Variants in TPRG1 observed in about 807,000 individuals in gnomAD.
TPRG1 encodes tumor protein p63-regulated gene 1 protein.
A neutral mutation model predicts 29.3 loss-of-function variants in TPRG1; 29 were observed. The observed-to-expected ratio is 0.99, with a 90% CI of 0.74 to 1.35. The LOEUF (loss-of-function observed/expected upper bound fraction) is 1.35, where lower values mean the gene tolerates loss of function less well. Among genes scored for constraint, TPRG1 ranks in the 40% most tolerant of loss-of-function variants. The pLI is 0.00. For missense variants in TPRG1, 327 were observed against 335.0 expected (o/e 0.98, Z 0.19); for synonymous variants, 130 against 116.8 (o/e 1.11, Z -0.73).
At chr3:189,236,981 A>G (rs1739579350) in intron 3 of TPRG1, among the ~76,000 whole-genome samples, 2 of 152,194 alleles carry the variant, frequency 1.3e-5, no homozygotes, top group African/African-American at 4.8e-5. Flanking sequence ...TTAACAGAGA[A>G]TTATTTCTTT....
intron 4 of TPRG1, 96 bp from the exon 5 acceptor site, chr3:189,310,289 TG>T: frequency 9.6e-7 from 1 of 1,042,652 alleles, no homozygotes; most frequent in Non-Finnish European, 1.3e-6. Flanking sequence ...TTTAACTAGT[TG>T]GGAGTTAATA....
At chr3:189,092,886 T>C (rs1306287268) in intron 4 of TPRG1, among the ~76,000 whole-genome samples, 1 of 152,212 alleles carries the variant, frequency 6.6e-6, no homozygotes, top group Non-Finnish European at 1.5e-5. Context: ...CAAATGCATC[T>C]TGTCAAAGAC....
At chr3:189,118,274 A>G (rs1397342510) in intron 1 of TPRG1, among the ~76,000 whole-genome samples, 1 of 152,198 alleles carries the variant, frequency 6.6e-6, no homozygotes, top group East Asian at 1.9e-4. Flanking sequence ...GATCTGTGGA[A>G]CTTGGAATTT....
chr3:189,049,001 C>T (rs562008753), intron 4 of TPRG1, among the ~76,000 whole-genome samples: 1 of 152,218 alleles, frequency 6.6e-6, no homozygotes, highest in South Asian at 2.1e-4. Flanking sequence ...CGCTTGGTCC[C>T]CAGGCAACCC....
intron 4 of TPRG1, among the ~76,000 whole-genome samples, chr3:189,093,157 AAG>A (rs746973311): frequency 1.6e-4 from 25 of 152,202 alleles, no homozygotes; most frequent in East Asian, 7.7e-4. Context: ...AATAAGAAAA[AAG>A]AAGAAATAAA....
intron 4 of TPRG1, among the ~76,000 whole-genome samples, chr3:189,249,330 AT>A (rs1336132856): frequency 2.0e-5 from 3 of 151,836 alleles, no homozygotes; most frequent in African/African-American, 7.2e-5. Flanking sequence ...AATATTTTTC[AT>A]TATAGAGTTT....
chr3:189,247,598 G>C (rs1001206154), intron 4 of TPRG1, among the ~76,000 whole-genome samples: 20 of 151,594 alleles, frequency 1.3e-4, no homozygotes, highest in African/African-American at 4.8e-4. Context: ...TTGGTTGTTT[G>C]TTTTTTTGGC....
intron 3 of TPRG1, among the ~76,000 whole-genome samples, chr3:189,231,033 C>A (rs1205818415): frequency 6.6e-6 from 1 of 151,994 alleles, no homozygotes; most frequent in Non-Finnish European, 1.5e-5. Context: ...TCATGAGTTT[C>A]CATTTGGATC....
intron 4 of TPRG1, among the ~76,000 whole-genome samples, chr3:189,272,718 T>TCCTTCCTC (rs1715406533): frequency 1.0e-5 from 1 of 97,338 alleles, no homozygotes. Flanking sequence ...TCTTTCTCCT[T>TCCTTCCTC]CCTTCCTTCC....
chr3:189,283,735 T>A (rs1402573164), intron 4 of TPRG1, among the ~76,000 whole-genome samples: 1 of 152,180 alleles, frequency 6.6e-6, no homozygotes, highest in Non-Finnish European at 1.5e-5. Context: ...TTTTATTTAA[T>A]CTTTACGATA....
intron 5 of TPRG1, among the ~76,000 whole-genome samples, chr3:189,312,719 T>A (rs936599337): frequency 6.6e-6 from 1 of 152,144 alleles, no homozygotes. Flanking sequence ...ATAAATACAA[T>A]CAAATAATGC....
intron 4 of TPRG1, among the ~76,000 whole-genome samples, chr3:189,053,142 T>C (rs1399933656): frequency 6.6e-6 from 1 of 152,230 alleles, no homozygotes; most frequent in Non-Finnish European, 1.5e-5. Context: ...AGCTAAATCT[T>C]CTGAATAACT....
intron 3 of TPRG1, among the ~76,000 whole-genome samples, chr3:189,224,309 T>C (rs1737369462): frequency 6.6e-6 from 1 of 152,082 alleles, no homozygotes; most frequent in Admixed American, 6.5e-5. Context: ...GGTGAAACCC[T>C]GCCCCTACTG....
intron 4 of TPRG1, among the ~76,000 whole-genome samples, chr3:189,296,971 CTCTTCT>C (rs57313799): frequency 1.3e-5 from 2 of 151,376 alleles, no homozygotes; most frequent in African/African-American, 4.9e-5. Flanking sequence ...CTGATAAACC[CTCTTCT>C]TCTTCTTCTT....
chr3:189,311,611 C>G (rs1263140628), intron 5 of TPRG1, among the ~76,000 whole-genome samples: 1 of 152,118 alleles, frequency 6.6e-6, no homozygotes, highest in African/African-American at 2.4e-5. Context: ...CCTCGAATCA[C>G]ATTATTCTCC....
intron 4 of TPRG1, among the ~76,000 whole-genome samples, chr3:189,297,289 A>G (rs1382713267): frequency 6.6e-6 from 1 of 152,016 alleles, no homozygotes; most frequent in Non-Finnish European, 1.5e-5. Flanking sequence ...CCACTGATAA[A>G]CCCTCTTCTG....
intron 4 of TPRG1, among the ~76,000 whole-genome samples, chr3:189,286,844 T>C (rs982461746): frequency 6.6e-6 from 1 of 152,100 alleles, no homozygotes; most frequent in Non-Finnish European, 1.5e-5. Context: ...CTTTTCTTTA[T>C]CTGTTATGAG....
chr3:189,136,707 A>G (rs551483821), intron 3 of TPRG1, among the ~76,000 whole-genome samples: 4 of 152,292 alleles, frequency 2.6e-5, no homozygotes, highest in African/African-American at 9.6e-5. Context: ...CAAGGTTATT[A>G]TGCACATTTG....
chr3:189,021,781 C>T (rs1296147868), intron 3 of TPRG1, among the ~76,000 whole-genome samples: 6 of 152,078 alleles, frequency 3.9e-5, no homozygotes, highest in African/African-American at 2.4e-5. Flanking sequence ...GTTGGCCTGC[C>T]TTGCTAGATT....
Sources: gnomAD v4.1 joint callset for allele counts (sites outside exome capture counted in the v4.1 genomes callset) on GRCh38, gnomAD v4.1.1 for gene constraint, MANE v1.5 for transcripts, NCBI Gene and HGNC (gene_info 2026-07-23, HGNC 2026-07-21) for gene names.